SLCO3A1: variants seen among roughly 807,000 people sequenced by gnomAD.
SLCO3A1 encodes solute carrier organic anion transporter family member 3A1.
A neutral mutation model predicts 63.1 loss-of-function variants in SLCO3A1; 27 were observed. The observed-to-expected ratio is 0.43, with a 90% CI of 0.32 to 0.59. The LOEUF (loss-of-function observed/expected upper bound fraction) is 0.59, where lower values mean the gene tolerates loss of function less well. Among genes scored for constraint, SLCO3A1 ranks in the 20% least tolerant of loss-of-function variants. The pLI, the probability that SLCO3A1 is intolerant of heterozygous loss-of-function variation, is 0.09. For synonymous variants in SLCO3A1, 473 were observed against 409.9 expected (o/e 1.15, Z -1.86); for missense variants, 773 against 945.8 (o/e 0.82, Z 2.40).
rs185295693 is a variant in SLCO3A1 at position 92,099,973 on chromosome 15, G to A, written c.746-4306G>A. ...CTCAGCTACTTGGGAGGCTGACGCA[G>A]GAGAATTGCTTGAACCCAGGAGGTG... On this transcript the variant is annotated intron_variant, in intron 3 of 9. Transcript: ENST00000318445. 2.6e-5 allele frequency among the ~76,000 whole-genome samples: 4 copies of A among 152,026 alleles called. No homozygotes were observed. The East Asian group carries it at 5.8e-4, about 22-fold the overall frequency.
chr15:91,949,385 T>G (rs920064043), intron 2 of SLCO3A1, among the ~76,000 whole-genome samples: 1 of 152,160 alleles, frequency 6.6e-6, no homozygotes, highest in Non-Finnish European at 1.5e-5. Flanking sequence ...ATCCCAGCAC[T>G]TTGGGAGGCT....
At chr15:91,935,066 G>C (rs552938340) in intron 2 of SLCO3A1, among the ~76,000 whole-genome samples, 1 of 152,292 alleles carries the variant, frequency 6.6e-6, no homozygotes, top group East Asian at 1.9e-4. Context: ...CAATTTTCCT[G>C]CCTCAGCCTC....
At chr15:91,947,356 G>C (rs1255455305) in intron 2 of SLCO3A1, among the ~76,000 whole-genome samples, 1 of 152,192 alleles carries the variant, frequency 6.6e-6, no homozygotes, top group Non-Finnish European at 1.5e-5. Flanking sequence ...GAATCCTCAG[G>C]CCTTTCCCGA....
chr15:92,132,250 C>G (rs1596129642), intron 7 of SLCO3A1, among the ~76,000 whole-genome samples: 2 of 146,164 alleles, frequency 1.4e-5, no homozygotes, highest in South Asian at 4.3e-4. Flanking sequence ...AAATAAGTCA[C>G]TGATCAAATA....
chr15:91,922,490 C>T (rs891786236), intron 2 of SLCO3A1, among the ~76,000 whole-genome samples: 8 of 152,174 alleles, frequency 5.3e-5, no homozygotes, highest in African/African-American at 1.9e-4. Context: ...TTGATTAGTA[C>T]GAAGGGCCCC....
At chr15:92,129,054 G>A (rs1194336621) in intron 7 of SLCO3A1, among the ~76,000 whole-genome samples, 2 of 152,106 alleles carry the variant, frequency 1.3e-5, no homozygotes, top group Admixed American at 6.5e-5. Flanking sequence ...AGCTTTCCAC[G>A]CTCTCTCCCT....
chr15:92,110,306 A>G (rs1305860438), intron 4 of SLCO3A1, among the ~76,000 whole-genome samples: 1 of 151,956 alleles, frequency 6.6e-6, no homozygotes, highest in African/African-American at 2.4e-5. Context: ...ACAAGGTAAC[A>G]CTCCACACTC....
At chr15:92,137,791 C>G (rs1485150436) in intron 7 of SLCO3A1, among the ~76,000 whole-genome samples, 2 of 103,656 alleles carry the variant, frequency 1.9e-5, no homozygotes, top group Non-Finnish European at 3.6e-5. Context: ...AGTGTCTGTT[C>G]ATGTCCTTCG....
chr15:92,164,321 A>C lies in SLCO3A1; in HGVS notation c.*1186A>C. 1 of 985,174 alleles carries C rather than the reference A, an allele frequency of 1.0e-6. No homozygotes were observed. Among genetic ancestry groups the C allele is most frequent in the Non-Finnish European group, 1.2e-6 (1 of 829,680 alleles). 61.0% of individuals were successfully genotyped at this position (985,174 alleles called of 1,614,324 possible). On this transcript the variant is annotated 3_prime_UTR_variant, in exon 10 of 10. Coordinates refer to ENST00000318445, the MANE Select transcript of SLCO3A1 (RefSeq NM_013272.4). ...TACAATGTGTTACAAGAAGAAAAAA[A>C]AATGCTTCAAAAAGAGAGTGTATAT...
intron 2 of SLCO3A1, among the ~76,000 whole-genome samples, chr15:91,957,123 A>AGTAT (rs1201720820): frequency 2.8e-5 from 1 of 36,294 alleles, no homozygotes; most frequent in Non-Finnish European, 4.0e-5. Context: ...TATAATATAT[A>AGTAT]TAATATATAT....
intron 9 of SLCO3A1, among the ~76,000 whole-genome samples, chr15:92,151,378 G>T (rs1034478826): frequency 6.6e-6 from 1 of 152,182 alleles, no homozygotes; most frequent in African/African-American, 2.4e-5. Context: ...CGCCAGCTGG[G>T]AGAGAGAGGC....
At chr15:91,969,413 C>T (rs1900777912) in intron 2 of SLCO3A1, among the ~76,000 whole-genome samples, 1 of 151,852 alleles carries the variant, frequency 6.6e-6, no homozygotes. Flanking sequence ...TCAAGTGATT[C>T]TCCTGCCTCA....
intron 5 of SLCO3A1, among the ~76,000 whole-genome samples, chr15:92,124,550 C>T (rs948054382): frequency 6.6e-6 from 1 of 152,156 alleles, no homozygotes; most frequent in African/African-American, 2.4e-5. Flanking sequence ...TGGATGCCCA[C>T]TCCGTGCTGG....
At position 91,916,022 on chromosome 15, in the gene SLCO3A1, G is replaced by A; in HGVS notation, c.210G>A (p.Arg70=). The A allele has an allele frequency of 1.2e-6, 2 of 1,613,330 alleles. No individual in the cohort carries two copies. The highest frequency in any genetic ancestry group is 2.2e-5 in the South Asian group (2 of 91,022). The change falls in exon 2 of 10, where the codon AGG becomes AGA. Residue 70 remains arginine, a synonymous_variant. Coordinates refer to ENST00000318445, the MANE Select transcript of SLCO3A1 (RefSeq NM_013272.4). This position sits in a 1 kb window ranked among gnomAD's most constrained non-coding sequence, Gnocchi z 6.2. ...LVSVLTTLER[R]FNLQSADVGV... ...GCGTCCTGACCACCCTGGAGCGTAG[G>A]TTCAACCTGCAGAGCGCTGACGTGG...
intron 2 of SLCO3A1, among the ~76,000 whole-genome samples, chr15:92,037,376 A>G (rs887136859): frequency 1.3e-5 from 2 of 152,192 alleles, no homozygotes; most frequent in African/African-American, 4.8e-5. Context: ...ATGCGTGGTG[A>G]TATTTCAAAG....
Position 91,948,273 on chromosome 15 carries a change from A to G in SLCO3A1, c.646+31815A>G, listed in dbSNP as rs2151407586. ...GAATACAACCAGCTGGTCCCTCCACAGTGGGCTCAAATGTGACCCTGCGTA... is the reference window on the plus strand; with the variant it reads ...GAATACAACCAGCTGGTCCCTCCACGGTGGGCTCAAATGTGACCCTGCGTA... On this transcript the variant is annotated intron_variant, in intron 2 of 9. Transcript: ENST00000318445. This position sits in a 1 kb window ranked among gnomAD's most constrained non-coding sequence, Gnocchi z 4.8. Among the ~76,000 whole-genome samples, 1 of 152,236 alleles carries G rather than the reference A, an allele frequency of 6.6e-6. No homozygotes were observed. Among genetic ancestry groups the G allele is most frequent in the Admixed American group, 6.5e-5 (1 of 15,292 alleles).
Position 91,882,663 on chromosome 15 carries a change from T to C in SLCO3A1, c.180+28575T>C, listed in dbSNP as rs1042338857. Among the ~76,000 whole-genome samples the C allele has an allele frequency of 2.0e-5, 3 of 152,136 alleles. No homozygotes were observed. Among genetic ancestry groups the C allele is most frequent in the Admixed American group, 2.0e-4 (3 of 15,270 alleles). On this transcript the variant is annotated intron_variant, in intron 1 of 9. Coordinates refer to ENST00000318445, the MANE Select transcript of SLCO3A1 (RefSeq NM_013272.4). This position sits in a 1 kb window ranked among gnomAD's most constrained non-coding sequence, Gnocchi z 4.4. ...CCGAGTAGCTGGGACCACAGGCGTATGCACCACCACCACGTCCAGCTAACT... is the reference window on the plus strand; with the variant it reads ...CCGAGTAGCTGGGACCACAGGCGTACGCACCACCACCACGTCCAGCTAACT...
In SLCO3A1 at chr15:91,858,491, G is replaced by C. The variant is rs147555874; in HGVS notation, c.180+4403G>C. Among the ~76,000 whole-genome samples the C allele has an allele frequency of 5.0e-3, 765 of 152,224 alleles. 2 individuals are homozygous for C. The highest frequency in any genetic ancestry group is 0.01 in the Middle Eastern group (3 of 294). ...TTTGTGTATTTATCTTTGTTTGTGA[G>C]GGGGTTTTTGTTGGTGTATTTAACA... On this transcript the variant is annotated intron_variant, in intron 1 of 9. Transcript: ENST00000318445.
chr15:92,062,457 G>A (rs1347273333), intron 2 of SLCO3A1, among the ~76,000 whole-genome samples: 1 of 152,172 alleles, frequency 6.6e-6, no homozygotes, highest in Non-Finnish European at 1.5e-5. Context: ...ATTGCATCCG[G>A]AAGGCAATGA....
Sources: allele counts gnomAD v4.1 joint callset (sites outside exome capture counted in the v4.1 genomes callset), GRCh38; gene constraint gnomAD v4.1.1; non-coding constraint Gnocchi (gnomAD v3.1); transcripts MANE v1.5; gene names NCBI Gene and HGNC (gene_info 2026-07-23, HGNC 2026-07-21).